MARCHF1: variants seen among roughly 807,000 people sequenced by gnomAD.
MARCHF1 encodes the protein E3 ubiquitin-protein ligase MARCHF1.
In MARCHF1, 40 loss-of-function variants were observed where a neutral mutation model predicts 54.2. The ratio of observed to expected loss-of-function variants is 0.74; its 90% confidence interval spans 0.57 to 0.96. The LOEUF (loss-of-function observed/expected upper bound fraction) is 0.96. Among genes scored for constraint, MARCHF1 ranks in the 40% least tolerant of loss-of-function variants. The pLI, the probability that MARCHF1 is intolerant of heterozygous loss-of-function variation, is 0.00. For missense variants in MARCHF1, 586 were observed against 656.5 expected (o/e 0.89, Z 1.17); for synonymous variants, 236 against 236.3 (o/e 1.00, Z 0.01).
chr4:164,317,319 A>C (rs2110745286), intron 1 of MARCHF1, among the ~76,000 whole-genome samples: 1 of 152,258 alleles, frequency 6.6e-6, no homozygotes, highest in South Asian at 2.1e-4. Flanking sequence ...TAAACAAGAC[A>C]GAAGTTTAAT....
intron 1 of MARCHF1, among the ~76,000 whole-genome samples, chr4:164,356,892 A>T (rs1330800453): frequency 6.6e-6 from 1 of 151,240 alleles, no homozygotes; most frequent in Non-Finnish European, 1.5e-5. Context: ...TACAAGTGGG[A>T]GCTAAATGTT....
chr4:163,989,658 T>C (rs933971237), intron 2 of MARCHF1, among the ~76,000 whole-genome samples: 6 of 152,236 alleles, frequency 3.9e-5, no homozygotes, highest in African/African-American at 1.4e-4. Flanking sequence ...TAAAACATCC[T>C]ACTCTCTCAG....
chr4:163,529,541 A>AGAT, intron 9 of MARCHF1, among the ~76,000 whole-genome samples: 1 of 152,124 alleles, frequency 6.6e-6, no homozygotes, highest in Admixed American at 6.6e-5. Context: ...GGAAGAAGGG[A>AGAT]GATGGGGAGG....
chr4:164,165,253 T>C (rs1409748945), intron 1 of MARCHF1, among the ~76,000 whole-genome samples: 1 of 152,024 alleles, frequency 6.6e-6, no homozygotes, highest in East Asian at 1.9e-4. Flanking sequence ...TATTTGGAGA[T>C]AGGGCCTTTA....
chr4:163,849,930 C>A (rs1749598101), intron 4 of MARCHF1, among the ~76,000 whole-genome samples: 1 of 152,156 alleles, frequency 6.6e-6, no homozygotes, highest in African/African-American at 2.4e-5. Flanking sequence ...GGCCCTAAAC[C>A]CATTTTTCTA....
chr4:164,132,095 C>G (rs1028988644), intron 1 of MARCHF1, among the ~76,000 whole-genome samples: 1 of 152,096 alleles, frequency 6.6e-6, no homozygotes, highest in East Asian at 1.9e-4. Context: ...TGCCTGTTAG[C>G]TAGTAATAAA....
At chr4:163,906,723 A>T (rs560089019) in intron 3 of MARCHF1, among the ~76,000 whole-genome samples, 6 of 125,030 alleles carry the variant, frequency 4.8e-5, no homozygotes, top group Middle Eastern at 4.2e-3. Flanking sequence ...TTAGACAAAT[A>T]AAAAAAAAGA....
At chr4:163,881,250 G>A (rs1032392135) in intron 3 of MARCHF1, among the ~76,000 whole-genome samples, 3 of 152,134 alleles carry the variant, frequency 2.0e-5, no homozygotes, top group Non-Finnish European at 2.9e-5. Context: ...CGAGGCGGGC[G>A]GATTATCTGA....
At chr4:164,172,980 C>CCA (rs1730569549) in intron 1 of MARCHF1, among the ~76,000 whole-genome samples, 1 of 127,798 alleles carries the variant, frequency 7.8e-6, no homozygotes. Flanking sequence ...GACTCCGTCT[C>CCA]AAAAAAAAAA....
chr4:163,859,367 T>G (rs551036260), intron 3 of MARCHF1, among the ~76,000 whole-genome samples: 2,036 of 144,190 alleles, frequency 0.014, 37 homozygotes, highest in African/African-American at 0.048. Flanking sequence ...GAGAAAAGCT[T>G]TTTTTTTTTT....
At chr4:164,137,413 T>C (rs1756424991) in intron 1 of MARCHF1, among the ~76,000 whole-genome samples, 1 of 152,292 alleles carries the variant, frequency 6.6e-6, no homozygotes, top group African/African-American at 2.4e-5. Flanking sequence ...CAGACAAAAC[T>C]TGATGATAAA....
intron 1 of MARCHF1, among the ~76,000 whole-genome samples, chr4:164,336,461 T>C (rs953611121): frequency 7.2e-5 from 11 of 152,242 alleles, no homozygotes; most frequent in African/African-American, 2.7e-4. Flanking sequence ...GTTTCTTTGC[T>C]CCATTTATTT....
At chr4:163,846,793 T>C (rs1749496498) in intron 4 of MARCHF1, among the ~76,000 whole-genome samples, 1 of 152,208 alleles carries the variant, frequency 6.6e-6, no homozygotes, top group African/African-American at 2.4e-5. Context: ...ATACAAGATA[T>C]TGTGCTTAAT....
At chr4:163,631,300 C>A (rs1000536797) in intron 5 of MARCHF1, among the ~76,000 whole-genome samples, 2 of 151,644 alleles carry the variant, frequency 1.3e-5, no homozygotes, top group Non-Finnish European at 2.9e-5. Context: ...TCAAGCAATT[C>A]TCTTGCCTCA....
intron 7 of MARCHF1, among the ~76,000 whole-genome samples, chr4:163,610,239 A>T (rs1229516568): frequency 6.6e-6 from 1 of 151,960 alleles, no homozygotes; most frequent in Non-Finnish European, 1.5e-5. Context: ...TGCCACTTAG[A>T]TCATAAGCCA....
At chr4:163,897,479 G>T (rs1164222837) in intron 3 of MARCHF1, among the ~76,000 whole-genome samples, 1 of 151,970 alleles carries the variant, frequency 6.6e-6, no homozygotes, top group African/African-American at 2.4e-5. Context: ...ATACTATAAG[G>T]CTATAATAAC....
At chr4:163,965,408 A>G (rs1560839310) in intron 3 of MARCHF1, among the ~76,000 whole-genome samples, 1 of 152,004 alleles carries the variant, frequency 6.6e-6, no homozygotes. Flanking sequence ...CAGCATCCCC[A>G]TTTTATAGAT....
chr4:163,924,571 A>C (rs796868242), intron 3 of MARCHF1, among the ~76,000 whole-genome samples: 10 of 152,156 alleles, frequency 6.6e-5, no homozygotes, highest in African/African-American at 2.4e-4. Flanking sequence ...TTTATTAAAA[A>C]ATATGTATAG....
At chr4:164,305,846 C>T (rs989231879) in intron 1 of MARCHF1, among the ~76,000 whole-genome samples, 2 of 152,014 alleles carry the variant, frequency 1.3e-5, no homozygotes, top group African/African-American at 4.8e-5. Context: ...ACATTGTACG[C>T]ATGTATTGAC....
Sources: gnomAD v4.1 joint callset for allele counts (sites outside exome capture counted in the v4.1 genomes callset) on GRCh38, gnomAD v4.1.1 for gene constraint, MANE v1.5 for transcripts, NCBI Gene and HGNC (gene_info 2026-07-23, HGNC 2026-07-21) for gene names.